DPF3: variants seen among roughly 807,000 people sequenced by gnomAD.
DPF3 encodes the protein zinc finger protein DPF3.
Under a neutral mutation model 56.8 loss-of-function variants are expected in DPF3, and 18 were observed. The observed-to-expected ratio is 0.32, with a 90% CI of 0.22 to 0.47. The LOEUF is 0.47. DPF3 is among the 20% of genes least tolerant of loss of function. DPF3 has a pLI of 1.00. For missense variants in DPF3, 403 were observed against 488.8 expected (o/e 0.82, Z 1.65); for synonymous variants, 188 against 180.2 (o/e 1.04, Z -0.35).
At chr14:72,782,650 C>A (rs1021949014) in intron 1 of DPF3, among the ~76,000 whole-genome samples, 1 of 152,074 alleles carries the variant, frequency 6.6e-6, no homozygotes, top group Non-Finnish European at 1.5e-5. Context: ...CTGGCCAACA[C>A]AGTGAAATCC....
intron 1 of DPF3, chr14:72,773,869 T>C: frequency 2.2e-6 from 1 of 455,666 alleles, no homozygotes; most frequent in South Asian, 1.6e-5. Flanking sequence ...AATATTCCAT[T>C]GTATGCATAT....
intron 1 of DPF3, among the ~76,000 whole-genome samples, chr14:72,794,930 C>G (rs1475434534): frequency 6.6e-6 from 1 of 152,014 alleles, no homozygotes; most frequent in African/African-American, 2.4e-5. Flanking sequence ...CCTCCACTTC[C>G]AATGTCATAT....
At chr14:72,632,137 T>C (rs1249454657) in intron 8 of DPF3, among the ~76,000 whole-genome samples, 1 of 152,244 alleles carries the variant, frequency 6.6e-6, no homozygotes, top group Non-Finnish European at 1.5e-5. Flanking sequence ...ATCTGTTTTT[T>C]AAGTCATTAA....
At chr14:72,718,790 C>T (rs1004797473) in intron 5 of DPF3, among the ~76,000 whole-genome samples, 46 of 1,156 alleles carry the variant, frequency 0.04, no homozygotes, top group Non-Finnish European at 0.058. Flanking sequence ...TTTTTTGAGA[C>T]GGAGTCACTC....
At chr14:72,851,262 C>T (rs1884974042) in intron 1 of DPF3, among the ~76,000 whole-genome samples, 1 of 152,188 alleles carries the variant, frequency 6.6e-6, no homozygotes, top group Admixed American at 6.5e-5. Context: ...CCCCAGGGTG[C>T]TTGGCTGGCT....
intron 9 of DPF3, among the ~76,000 whole-genome samples, chr14:72,623,144 A>G (rs1884568475): frequency 6.6e-6 from 1 of 152,228 alleles, no homozygotes; most frequent in Non-Finnish European, 1.5e-5. Flanking sequence ...ACAAAATGGA[A>G]AGACAAATCA....
chr14:72,699,495 C>A (rs1314855189), intron 6 of DPF3, among the ~76,000 whole-genome samples: 1 of 142,644 alleles, frequency 7.0e-6, no homozygotes, highest in African/African-American at 2.6e-5. Context: ...GCACTCCAGC[C>A]TGGGTGACAG....
intron 8 of DPF3, among the ~76,000 whole-genome samples, chr14:72,672,169 TAGG>T (rs1252273447): frequency 6.6e-6 from 1 of 151,962 alleles, no homozygotes; most frequent in Non-Finnish European, 1.5e-5. Context: ...AGGTGAGAAA[TAGG>T]AGTAGAAAAG....
At chr14:72,688,903 C>A (rs147191862) in intron 7 of DPF3, among the ~76,000 whole-genome samples, 41 of 152,304 alleles carry the variant, frequency 2.7e-4, no homozygotes, top group African/African-American at 9.6e-4. Context: ...GAGCTCCAAG[C>A]ATCCCTGGCT....
At chr14:72,719,020 T>C (rs2803948) in intron 5 of DPF3, among the ~76,000 whole-genome samples, 13,466 of 150,444 alleles carry the variant, frequency 0.09, 2,088 homozygotes, top group African/African-American at 0.31. Flanking sequence ...TCCACCCGCC[T>C]TGGCCTCCCA....
At chr14:72,697,308 A>T (rs1465928707) in intron 6 of DPF3, among the ~76,000 whole-genome samples, 1 of 152,210 alleles carries the variant, frequency 6.6e-6, no homozygotes, top group Non-Finnish European at 1.5e-5. Context: ...GTCGCAGTCT[A>T]GCAGAGATCT....
intron 3 of DPF3, among the ~76,000 whole-genome samples, chr14:72,750,054 C>T (rs1412074136): frequency 6.6e-6 from 1 of 152,078 alleles, no homozygotes; most frequent in African/African-American, 2.4e-5. Flanking sequence ...ATGTTTATGA[C>T]TAAAGGAATT....
chr14:72,827,734 C>T (rs1339559012), intron 1 of DPF3, among the ~76,000 whole-genome samples: 2 of 151,964 alleles, frequency 1.3e-5, no homozygotes, highest in Non-Finnish European at 2.9e-5. Context: ...CCTGCCTCAG[C>T]CTCCCAAAGT....
chr14:72,660,011 G>A (rs1303238857), intron 8 of DPF3, among the ~76,000 whole-genome samples: 6 of 152,090 alleles, frequency 3.9e-5, no homozygotes, highest in Admixed American at 1.3e-4. Context: ...AAATTCAGAG[G>A]GACAGAAAGT....
chr14:72,649,245 A>G (rs748531710), intron 8 of DPF3, among the ~76,000 whole-genome samples: 11 of 152,164 alleles, frequency 7.2e-5, no homozygotes, highest in Non-Finnish European at 1.6e-4. Flanking sequence ...TTGTGGGAAA[A>G]TCCTCATCCC....
At chr14:72,714,257 G>A (rs1350865998) in intron 6 of DPF3, among the ~76,000 whole-genome samples, 166 bp downstream of exon 6, 1 of 152,216 alleles carries the variant, frequency 6.6e-6, no homozygotes, top group Non-Finnish European at 1.5e-5. Context: ...GCCCAAGGAA[G>A]TGGTGACTGC....
intron 1 of DPF3, among the ~76,000 whole-genome samples, chr14:72,834,973 A>G (rs1884228893): frequency 7.8e-6 from 1 of 127,640 alleles, no homozygotes; most frequent in Admixed American, 7.8e-5. Flanking sequence ...ATATGATTTC[A>G]TCTCTATGGA....
chr14:72,622,573 A>G (rs1292671950), intron 9 of DPF3, among the ~76,000 whole-genome samples: 1 of 152,172 alleles, frequency 6.6e-6, no homozygotes, highest in Non-Finnish European at 1.5e-5. Flanking sequence ...ATCCTGGATT[A>G]CAATTTCCCA....
intron 1 of DPF3, among the ~76,000 whole-genome samples, chr14:72,788,912 A>T (rs740979): frequency 0.19 from 29,471 of 152,166 alleles, 3,711 homozygotes; most frequent in Non-Finnish European, 0.27. Flanking sequence ...GCAGACTGAC[A>T]TGATTATTTT....
Sources: gnomAD v4.1 joint callset for allele counts (sites outside exome capture counted in the v4.1 genomes callset) on GRCh38, gnomAD v4.1.1 for gene constraint, MANE v1.5 for transcripts, NCBI Gene and HGNC (gene_info 2026-07-23, HGNC 2026-07-21) for gene names.